Variants in BNC2 observed in about 807,000 individuals in gnomAD.
BNC2 encodes zinc finger protein basonuclin-2.
In BNC2, 20 loss-of-function variants were observed where a neutral mutation model predicts 76.3. That is an observed-to-expected ratio of 0.26 (90% CI 0.18 to 0.38). The LOEUF (loss-of-function observed/expected upper bound fraction) is 0.38, where lower values mean the gene tolerates loss of function less well. Ranked by LOEUF, BNC2 falls within the 10% of genes least tolerant of loss-of-function variation. BNC2 has a pLI of 1.00. For synonymous variants in BNC2, 582 were observed against 514.8 expected, an observed-to-expected ratio of 1.13 and a Z score of -1.77; for missense variants, 1,382 against 1,399.8, an observed-to-expected ratio of 0.99 and a Z score of 0.20.
chr9:16,583,241 C>G (rs1014536000), intron 3 of BNC2, among the ~76,000 whole-genome samples, 156 bp from the exon 4 acceptor site: 1 of 152,026 alleles, frequency 6.6e-6, no homozygotes, highest in Admixed American at 6.6e-5. Context: ...TCACCAAAAT[C>G]TCTTATTAAA....
intron 5 of BNC2, among the ~76,000 whole-genome samples, chr9:16,546,342 ATCT>A (rs893214444): frequency 2.8e-4 from 42 of 152,168 alleles, no homozygotes; most frequent in African/African-American, 9.9e-4. Context: ...ATTTAACCCA[ATCT>A]TGTCTCAATA....
chr9:16,674,995 G>C (rs1268445182), intron 3 of BNC2, among the ~76,000 whole-genome samples: 1 of 152,086 alleles, frequency 6.6e-6, no homozygotes, highest in Non-Finnish European at 1.5e-5. Context: ...ACTGACACTA[G>C]AAAAGTAGAA....
At chr9:16,555,702 G>C (rs1388706969) in intron 4 of BNC2, among the ~76,000 whole-genome samples, 1 of 152,140 alleles carries the variant, frequency 6.6e-6, no homozygotes, top group Non-Finnish European at 1.5e-5. Context: ...TGCTGGAGTA[G>C]GAGGATTATC....
chr9:16,658,445 C>T (rs750797917), intron 3 of BNC2, among the ~76,000 whole-genome samples: 2 of 152,190 alleles, frequency 1.3e-5, no homozygotes, highest in African/African-American at 4.8e-5. Context: ...CTAAAACACA[C>T]ATTACCCTGG....
intron 1 of BNC2, among the ~76,000 whole-genome samples, chr9:16,853,573 T>A (rs1008090836): frequency 1.3e-5 from 2 of 151,984 alleles, no homozygotes; most frequent in African/African-American, 4.8e-5. Flanking sequence ...CATTTTCAAA[T>A]TTAAAATTTG....
chr9:16,740,297 T>G (rs561726447), intron 1 of BNC2, among the ~76,000 whole-genome samples: 9 of 152,216 alleles, frequency 5.9e-5, no homozygotes, highest in African/African-American at 2.2e-4. Context: ...AAAATCAGAA[T>G]AGTGCTTAAG....
intron 1 of BNC2, among the ~76,000 whole-genome samples, chr9:16,789,115 G>C (rs1433880499): frequency 1.3e-5 from 2 of 152,150 alleles, no homozygotes. Context: ...CTAAAGGAAA[G>C]AGACAGAATT....
At chr9:16,528,901 A>G (rs933337517) in intron 5 of BNC2, among the ~76,000 whole-genome samples, 1 of 152,232 alleles carries the variant, frequency 6.6e-6, no homozygotes, top group Non-Finnish European at 1.5e-5. Flanking sequence ...GTAGTGGCTT[A>G]TAACAATGGA....
intron 5 of BNC2, among the ~76,000 whole-genome samples, chr9:16,480,892 G>A (rs905622213): frequency 5.9e-5 from 9 of 152,222 alleles, no homozygotes; most frequent in African/African-American, 1.2e-4. Flanking sequence ...TGAGGAGTGC[G>A]AGCACATGGC....
At chr9:16,473,410 C>A (rs1195706080) in intron 5 of BNC2, 11 of 152,082 alleles carry the variant, frequency 7.2e-5, no homozygotes, top group Admixed American at 7.2e-4. Flanking sequence ...CTTTAAGAAA[C>A]TAAAGTTAAC....
At chr9:16,661,954 T>G (rs1822123033) in intron 3 of BNC2, among the ~76,000 whole-genome samples, 1 of 152,220 alleles carries the variant, frequency 6.6e-6, no homozygotes, top group African/African-American at 2.4e-5. Context: ...GGTCTAAGCT[T>G]TAAGTGTGTA....
intron 5 of BNC2, among the ~76,000 whole-genome samples, chr9:16,451,843 C>G (rs935900241): frequency 3.9e-5 from 6 of 152,140 alleles, no homozygotes; most frequent in African/African-American, 1.4e-4. Flanking sequence ...TTGATATCCC[C>G]ACTGCCAAGA....
At chr9:16,711,656 T>C (rs933618383) in intron 3 of BNC2, among the ~76,000 whole-genome samples, 3 of 152,342 alleles carry the variant, frequency 2.0e-5, no homozygotes, top group Admixed American at 6.5e-5. Context: ...TTTGTTTCCA[T>C]TGATTGTTGA....
At chr9:16,574,739 A>G (rs1215182404) in intron 4 of BNC2, among the ~76,000 whole-genome samples, 3 of 152,224 alleles carry the variant, frequency 2.0e-5, no homozygotes, top group African/African-American at 7.2e-5. Flanking sequence ...TGACTTAGCA[A>G]TAACAATACT....
chr9:16,545,294 G>C (rs1467194589), intron 5 of BNC2, among the ~76,000 whole-genome samples: 2 of 152,198 alleles, frequency 1.3e-5, no homozygotes, highest in South Asian at 2.1e-4. Flanking sequence ...GTTGGCAGTA[G>C]TCTGTAACAG....
intron 3 of BNC2, among the ~76,000 whole-genome samples, chr9:16,710,881 C>A (rs997210187): frequency 6.6e-6 from 1 of 152,162 alleles, no homozygotes; most frequent in Non-Finnish European, 1.5e-5. Flanking sequence ...CACATTACTA[C>A]TGGGAAAATG....
chr9:16,825,673 T>C (rs971282970), intron 1 of BNC2, among the ~76,000 whole-genome samples: 14 of 152,044 alleles, frequency 9.2e-5, no homozygotes, highest in Admixed American at 1.3e-4. Context: ...TCCTATGGAG[T>C]GAGACTAAAG....
rs190302614 is a variant in BNC2 at position 16,687,546 on chromosome 9, T to C, written c.330+40251A>G. On this transcript the variant is annotated intron_variant, in intron 3 of 6. Coordinates refer to ENST00000380672, the MANE Select transcript of BNC2 (RefSeq NM_017637.6). ...AACAGTAATTCTCCCCAGGGAGCAATAGAAGGGAAAAGAAAAAAATTAACC... is the reference window on the plus strand; with the variant it reads ...AACAGTAATTCTCCCCAGGGAGCAACAGAAGGGAAAAGAAAAAAATTAACC... Among the ~76,000 whole-genome samples, 565 of 152,026 alleles carry C rather than the reference T, an allele frequency of 3.7e-3. 5 individuals are homozygous for C. The highest frequency in any genetic ancestry group is 0.013 in the African/African-American group (537 of 41,456).
intron 3 of BNC2, among the ~76,000 whole-genome samples, chr9:16,709,588 G>C (rs1286475825): frequency 6.6e-6 from 1 of 152,130 alleles, no homozygotes; most frequent in Non-Finnish European, 1.5e-5. Flanking sequence ...TCATTAGAGG[G>C]ACTATTTCTT....
Sources: gnomAD v4.1 joint callset for allele counts (sites outside exome capture counted in the v4.1 genomes callset) on GRCh38, gnomAD v4.1.1 for gene constraint, MANE v1.5 for transcripts, NCBI Gene and HGNC (gene_info 2026-07-23, HGNC 2026-07-21) for gene names.